ATL2: variants seen among roughly 807,000 people sequenced by gnomAD.
ATL2 encodes the protein atlastin-2.
A neutral mutation model predicts 73.9 loss-of-function variants in ATL2; 31 were observed. The observed-to-expected ratio is 0.42, with a 90% confidence interval of 0.32 to 0.57. The LOEUF (loss-of-function observed/expected upper bound fraction) is 0.57, where lower values mean the gene tolerates loss of function less well. ATL2 is among the 20% of genes least tolerant of loss of function. ATL2 has a pLI of 0.14. For missense variants in ATL2, 738 were observed against 702.6 expected, an observed-to-expected ratio of 1.05 and a Z score of -0.57; for synonymous variants, 291 against 237.5, an observed-to-expected ratio of 1.23 and a Z score of -2.07.
chr2:38,303,675 A>G (rs1215130991), intron 9 of ATL2, among the ~76,000 whole-genome samples: 2 of 152,222 alleles, frequency 1.3e-5, no homozygotes, highest in Non-Finnish European at 2.9e-5. Flanking sequence ...AGGAGTAGCT[A>G]AAGAGACAGC....
chr2:38,377,364 CT>C (rs1672052278), upstream of ATL2: 2 of 919,644 alleles, frequency 2.2e-6, no homozygotes, highest in African/African-American at 3.9e-5. Flanking sequence ...TAGCGCCGCT[CT>C]CCGCCTGTAT....
At chr2:38,353,161 T>C (rs1325989797) in intron 1 of ATL2, among the ~76,000 whole-genome samples, 1 of 152,162 alleles carries the variant, frequency 6.6e-6, no homozygotes, top group Admixed American at 6.5e-5. Context: ...AGCAGACAAA[T>C]GCTTTTAACC....
intron 1 of ATL2, among the ~76,000 whole-genome samples, chr2:38,360,699 C>CA (rs1038645324): frequency 7.3e-5 from 11 of 151,042 alleles, no homozygotes; most frequent in East Asian, 1.9e-4. Context: ...AAGTCAAGAC[C>CA]AAAAAAAAGG....
chr2:38,321,808 ACTCAAAGGATCCT>A (rs1412961663), intron 2 of ATL2, among the ~76,000 whole-genome samples: 1 of 151,760 alleles, frequency 6.6e-6, no homozygotes, highest in African/African-American at 2.4e-5. Context: ...ATCCTCCCGG[ACTCAAAGGATCCT>A]CCTACCTCAG....
At chr2:38,369,575 C>G (rs369179677) in intron 1 of ATL2, among the ~76,000 whole-genome samples, 26 of 151,632 alleles carry the variant, frequency 1.7e-4, no homozygotes, top group African/African-American at 6.0e-4. Context: ...CGTGAGCCAC[C>G]ATGCTCGGCC....
At chr2:38,301,221 T>C (rs1326693953) in intron 9 of ATL2, among the ~76,000 whole-genome samples, 2 of 152,088 alleles carry the variant, frequency 1.3e-5, no homozygotes, top group Admixed American at 6.5e-5. Flanking sequence ...TCGCCCACTT[T>C]AGCCTCCCAA....
chr2:38,369,045 A>C (rs13394572), intron 1 of ATL2, among the ~76,000 whole-genome samples: 167 of 152,336 alleles, frequency 1.1e-3, no homozygotes, highest in African/African-American at 3.9e-3. Context: ...GTTGGCATTT[A>C]TTTTTAATTA....
chr2:38,313,291 T>G (rs1378285510), intron 6 of ATL2, 48 bp from the exon 7 acceptor site: 2 of 1,422,202 alleles, frequency 1.4e-6, no homozygotes, highest in African/African-American at 2.9e-5. Context: ...TAAAGAAAAT[T>G]TACGAAAAAA....
chr2:38,325,671 CA>C (rs1558411844), intron 2 of ATL2, among the ~76,000 whole-genome samples: 36 of 72,862 alleles, frequency 4.9e-4, no homozygotes, highest in Admixed American at 4.5e-3. Flanking sequence ...TACACACACA[CA>C]CACACACACA....
intron 1 of ATL2, among the ~76,000 whole-genome samples, chr2:38,371,984 G>A (rs1052409915): frequency 6.6e-6 from 1 of 152,090 alleles, no homozygotes; most frequent in Non-Finnish European, 1.5e-5. Context: ...AAAATCATAG[G>A]AAGTTTGCAG....
At chr2:38,300,757 C>A (rs1667143157) in intron 9 of ATL2, among the ~76,000 whole-genome samples, 1 of 151,808 alleles carries the variant, frequency 6.6e-6, no homozygotes, top group Non-Finnish European at 1.5e-5. Context: ...CTCAAGTGAT[C>A]CTCCTGCCTC....
chr2:38,374,821 T>G (rs998883038), intron 1 of ATL2, among the ~76,000 whole-genome samples: 7 of 152,210 alleles, frequency 4.6e-5, no homozygotes, highest in African/African-American at 1.7e-4. Context: ...AGAAAGTTAC[T>G]TATACTTGTG....
intron 1 of ATL2, among the ~76,000 whole-genome samples, chr2:38,369,874 G>A (rs1182198800): frequency 6.6e-6 from 1 of 151,734 alleles, no homozygotes; most frequent in African/African-American, 2.4e-5. Context: ...AATCAAAGCC[G>A]GGCGCGGTGG....
chr2:38,349,496 G>C (rs1316103315), intron 1 of ATL2, among the ~76,000 whole-genome samples: 1 of 131,562 alleles, frequency 7.6e-6, no homozygotes, highest in Non-Finnish European at 1.6e-5. Context: ...ACACAGGAAG[G>C]GGAACATCAC....
chr2:38,367,588 C>A (rs866308693), intron 1 of ATL2, among the ~76,000 whole-genome samples: 3 of 45,300 alleles, frequency 6.6e-5, no homozygotes, highest in Middle Eastern at 0.024. Context: ...GAGCAAGAAT[C>A]CATCTCAAAA....
intron 4 of ATL2, among the ~76,000 whole-genome samples, chr2:38,315,915 A>C (rs1668003556): frequency 6.6e-6 from 1 of 152,214 alleles, no homozygotes; most frequent in Admixed American, 6.5e-5. Flanking sequence ...AATAAAAGTA[A>C]CAGTAGGTGG....
At chr2:38,345,118 C>T (rs1194948593) in intron 1 of ATL2, among the ~76,000 whole-genome samples, 1 of 152,260 alleles carries the variant, frequency 6.6e-6, no homozygotes, top group Non-Finnish European at 1.5e-5. Flanking sequence ...CAACTAGTTA[C>T]TCCTGGGGAC....
intron 2 of ATL2, among the ~76,000 whole-genome samples, chr2:38,320,308 A>C (rs6750225): frequency 0.095 from 14,401 of 152,126 alleles, 2,272 homozygotes; most frequent in African/African-American, 0.33. Flanking sequence ...TAGGAAAAAA[A>C]AGAGTCCTTA....
chr2:38,318,613 C>T lies in ATL2; in HGVS notation c.525G>A (p.Gln175=), dbSNP rs1224563019. The T allele has an allele frequency of 1.9e-6, 3 of 1,611,686 alleles. No individual in the cohort carries two copies. Among genetic ancestry groups the T allele is most frequent in the Non-Finnish European group, 1.7e-6 (2 of 1,179,412 alleles). The change falls in exon 4 of 13, where the codon CAG becomes CAA. Residue 175 remains glutamine, a synonymous_variant. Coordinates refer to ENST00000378954, the MANE Select transcript of ATL2 (RefSeq NM_001135673.4). ...TKVAVLLMDT[Q]GAFDSQSTIK... ...TAGTTGACTGGCTATCAAAGGCACC[C>T]TGGGTATCCATAAGCAGCACAGCAA... is the stretch of plus-strand genomic sequence containing the variant.
Sources: gnomAD v4.1 joint callset for allele counts (sites outside exome capture counted in the v4.1 genomes callset) on GRCh38, gnomAD v4.1.1 for gene constraint, MANE v1.5 for transcripts, NCBI Gene and HGNC (gene_info 2026-07-23, HGNC 2026-07-21) for gene names.